The following RIMBP2 variants were observed in gnomAD, a reference collection of about 807,000 sequenced individuals.
RIMBP2 encodes RIMS binding protein 2.
RIMBP2 carries 48 observed loss-of-function variants against 118.6 expected under a neutral mutation model. The ratio of observed to expected loss-of-function variants is 0.40; its 90% CI spans 0.32 to 0.51. RIMBP2 has a LOEUF of 0.51. Ranked by LOEUF, RIMBP2 falls within the 20% of genes least tolerant of loss-of-function variation. RIMBP2 has a pLI of 0.41. For missense variants in RIMBP2, 1,551 were observed against 1,768.3 expected, an observed-to-expected ratio of 0.88 and a Z score of 2.20; for synonymous variants, 762 against 742.9, an observed-to-expected ratio of 1.03 and a Z score of -0.42.
chr12:130,618,547 A>G (rs78733591), intron 2 of RIMBP2, among the ~76,000 whole-genome samples: 2,490 of 150,422 alleles, frequency 0.017, 62 homozygotes, highest in African/African-American at 0.057. Flanking sequence ...GGTTTGCCAC[A>G]TCCAGGGGCT....
chr12:130,554,848 C>T (rs1331590556), intron 2 of RIMBP2, among the ~76,000 whole-genome samples: 1 of 152,122 alleles, frequency 6.6e-6, no homozygotes, highest in African/African-American at 2.4e-5. Flanking sequence ...TTAATTTGTT[C>T]AAAGTTCTAA....
intron 17 of RIMBP2, among the ~76,000 whole-genome samples, chr12:130,417,978 T>C (rs2076201937): frequency 6.6e-6 from 1 of 152,004 alleles, no homozygotes; most frequent in Non-Finnish European, 1.5e-5. Flanking sequence ...GAGAGCAGCA[T>C]TGGGAGAAGC....
In RIMBP2 at chr12:130,445,260, G is replaced by A. The variant is rs1322410580; in HGVS notation, c.591C>T (p.Pro197=). ...HLCVARYSYN[P]FDGPNENPEA... The stretch of plus-strand genomic sequence containing the variant: ...CGGGGTTCTCGTTCGGTCCATCGAA[G>A]GGGTTGTAACTGCAGAGAAAACACA... Residue 197 remains proline (P), a synonymous_variant, in exon 10 of 23, where the codon CCC becomes CCT. Coordinates refer to ENST00000690449, the MANE Select transcript of RIMBP2 (RefSeq NM_001393629.1). The A allele has an allele frequency of 6.2e-7, 1 of 1,612,422 alleles. No individual in the cohort carries two copies. Among genetic ancestry groups the A allele is most frequent in the Non-Finnish European group, 8.5e-7 (1 of 1,179,312 alleles).
At position 130,632,476 on chromosome 12, in the gene RIMBP2, C is replaced by T. The variant is rs571686943; in HGVS notation, c.-351-4020G>A. ...GCTTCTCAATGCATTTAGTGCAGGT[C>T]GGTGCCCTCCGTACAGAACAAGTAA... On this transcript the variant is annotated intron_variant, in intron 1 of 22. Coordinates refer to ENST00000690449, the MANE Select transcript of RIMBP2 (RefSeq NM_001393629.1). 7.2e-5 allele frequency among the ~76,000 whole-genome samples: 11 copies of T among 152,122 alleles called. No individual in the cohort carries two copies. In the South Asian group the frequency reaches 1.7e-3, roughly 23 times the overall value.
intron 2 of RIMBP2, among the ~76,000 whole-genome samples, chr12:130,530,218 G>A (rs776015325): frequency 5.3e-5 from 8 of 152,048 alleles, no homozygotes; most frequent in Admixed American, 2.6e-4. Context: ...GGAAAACTTC[G>A]CCAGGGGAAC....
At chr12:130,441,279 T>C (rs1157163826) in intron 11 of RIMBP2, among the ~76,000 whole-genome samples, 4 of 151,850 alleles carry the variant, frequency 2.6e-5, no homozygotes, top group Non-Finnish European at 5.9e-5. Flanking sequence ...CAGGTGCCTA[T>C]AATCCCAGCT....
chr12:130,711,266 C>T (rs1005887446), intron 1 of RIMBP2, among the ~76,000 whole-genome samples: 1 of 152,168 alleles, frequency 6.6e-6, no homozygotes, highest in Non-Finnish European at 1.5e-5. Flanking sequence ...AGAAGCTATC[C>T]AGCCTCTCAC....
intron 15 of RIMBP2, 187 bp downstream of exon 15, chr12:130,427,992 G>A (rs1030655412): frequency 2.3e-5 from 13 of 555,796 alleles, no homozygotes; most frequent in Non-Finnish European, 3.3e-5. Context: ...TTGGCCAAGA[G>A]CAAGACAGGA....
chr12:130,596,339 C>T (rs948286297), intron 2 of RIMBP2, among the ~76,000 whole-genome samples: 2 of 152,176 alleles, frequency 1.3e-5, no homozygotes, highest in African/African-American at 2.4e-5. Flanking sequence ...TCTCCTCATA[C>T]GATGCTGACA....
chr12:130,473,415 G>T (rs1243744185), intron 5 of RIMBP2, among the ~76,000 whole-genome samples: 4 of 152,232 alleles, frequency 2.6e-5, no homozygotes, highest in African/African-American at 4.8e-5. Flanking sequence ...AGGCCCTGCG[G>T]CAGGAGCAGC....
Position 130,424,469 on chromosome 12 carries a change from G to T in RIMBP2, c.2802C>A (p.Phe934Leu). ...GGCTGCACGCGGCCACGGTGTTTCC[G>T]AAGCCAAACCGCGACTCGTCCTCTT... ...GSEEDESRFGFGNTVAACSPG... is the reference protein window; with the variant it reads ...GSEEDESRFGLGNTVAACSPG... The change falls in exon 16 of 23, where the codon TTC (phenylalanine) becomes TTA (leucine). Residue 934 changes from phenylalanine (F) to leucine (L), a missense_variant. Physicochemically the swap from Phe to Leu is conservative, Grantham distance 22 (BLOSUM62 0). Transcript: ENST00000690449. This position sits in a 1 kb window ranked among gnomAD's most constrained non-coding sequence, Gnocchi z 9.8. 8.1e-7 allele frequency: 1 copy of T among 1,232,130 alleles called. No individual in the cohort carries two copies. The highest frequency in any genetic ancestry group is 1.0e-6 in the Non-Finnish European group (1 of 987,846). 76.3% of individuals were successfully genotyped at this position (1,232,130 alleles called of 1,614,324 possible).
chr12:130,433,873 T>C (rs1191457075), intron 14 of RIMBP2, among the ~76,000 whole-genome samples: 1 of 152,170 alleles, frequency 6.6e-6, no homozygotes, highest in African/African-American at 2.4e-5. Context: ...CTCCCTGTGA[T>C]GTGGGGTAAT....
chr12:130,560,009 C>T (rs1286133999), intron 2 of RIMBP2, among the ~76,000 whole-genome samples: 2 of 152,176 alleles, frequency 1.3e-5, no homozygotes, highest in East Asian at 3.9e-4. Context: ...AGAATGGGAG[C>T]AGGGGGTGAT....
At chr12:130,690,832 G>A (rs1206696066) in intron 1 of RIMBP2, among the ~76,000 whole-genome samples, 1 of 152,116 alleles carries the variant, frequency 6.6e-6, no homozygotes, top group Non-Finnish European at 1.5e-5. Context: ...GGTGCAGAGA[G>A]AACCCAATAG....
At chr12:130,685,158 C>T (rs7954486) in intron 1 of RIMBP2, among the ~76,000 whole-genome samples, 9,452 of 152,176 alleles carry the variant, frequency 0.062, 971 homozygotes, top group African/African-American at 0.21. Context: ...ATGTCTGCTG[C>T]CTTCTCTCTC....
intron 11 of RIMBP2, among the ~76,000 whole-genome samples, chr12:130,439,278 ATT>A (rs1491462143): frequency 7.3e-5 from 11 of 151,672 alleles, no homozygotes; most frequent in South Asian, 2.1e-4. Context: ...GTGTATGTAC[ATT>A]GTGTGTGTAT....
rs2061423927 is a variant in RIMBP2 at position 130,623,161 on chromosome 12, T to C, written c.-217+5161A>G. On this transcript the variant is annotated intron_variant, in intron 2 of 22. Coordinates refer to ENST00000690449, the MANE Select transcript of RIMBP2 (RefSeq NM_001393629.1). This position sits in a 1 kb window ranked among gnomAD's most constrained non-coding sequence, Gnocchi z 4.1. ...ACTGAGGTAATTCCATCCTGCATTA[T>C]TGAATTTAAAAAGCATATTATGATG... Among the ~76,000 whole-genome samples, 1 of 152,248 alleles carries C rather than the reference T, an allele frequency of 6.6e-6. No homozygotes were observed.
At chr12:130,705,324 G>A (rs1352485994) in intron 1 of RIMBP2, among the ~76,000 whole-genome samples, 1 of 152,200 alleles carries the variant, frequency 6.6e-6, no homozygotes, top group Non-Finnish European at 1.5e-5. Context: ...GCCGCCCGGA[G>A]CCTCCCGGCC....
At chr12:130,653,403 C>T (rs866172892) in intron 1 of RIMBP2, among the ~76,000 whole-genome samples, 12 of 152,358 alleles carry the variant, frequency 7.9e-5, no homozygotes, top group Middle Eastern at 3.4e-3. Flanking sequence ...GCCCCACATC[C>T]GGGCACACTG....
Sources: allele counts gnomAD v4.1 joint callset (sites outside exome capture counted in the v4.1 genomes callset), GRCh38; gene constraint gnomAD v4.1.1; non-coding constraint Gnocchi (gnomAD v3.1); transcripts MANE v1.5; gene names NCBI Gene and HGNC (gene_info 2026-07-23, HGNC 2026-07-21).